The following PALLD variants were observed in gnomAD, a reference collection of about 807,000 sequenced individuals.
PALLD encodes the protein palladin, cytoskeletal associated protein.
In PALLD, 61 loss-of-function variants were observed where a neutral mutation model predicts 123.5. That is an observed-to-expected ratio of 0.49 (90% CI 0.40 to 0.61). The LOEUF (loss-of-function observed/expected upper bound fraction) is 0.61, where lower values mean the gene tolerates loss of function less well. Ranked by LOEUF, PALLD falls within the 20% of genes least tolerant of loss-of-function variation. The pLI, the probability that PALLD is intolerant of heterozygous loss-of-function variation, is 0.00. For missense variants in PALLD, 1,273 were observed against 1,377.0 expected (o/e 0.92, Z 1.20); for synonymous variants, 465 against 496.4 (o/e 0.94, Z 0.84).
At chr4:168,666,235 A>C (rs1407915116) in intron 2 of PALLD, among the ~76,000 whole-genome samples, 1 of 152,172 alleles carries the variant, frequency 6.6e-6, no homozygotes, top group African/African-American at 2.4e-5. Flanking sequence ...CTCTCTATGG[A>C]ACCTCTGTTG....
At chr4:168,684,332 T>A (rs1781824053) in intron 5 of PALLD, among the ~76,000 whole-genome samples, 1 of 152,208 alleles carries the variant, frequency 6.6e-6, no homozygotes, top group Admixed American at 6.5e-5. Flanking sequence ...ATTTACCCCA[T>A]GTTTATAGTT....
intron 10 of PALLD, among the ~76,000 whole-genome samples, chr4:168,835,337 T>C (rs914821765): frequency 6.6e-6 from 1 of 152,220 alleles, no homozygotes; most frequent in Non-Finnish European, 1.5e-5. Context: ...ATATACTTTT[T>C]AAAAATAATA....
intron 10 of PALLD, among the ~76,000 whole-genome samples, chr4:168,732,436 A>G (rs1259679832): frequency 3.3e-5 from 5 of 152,196 alleles, no homozygotes; most frequent in Admixed American, 3.3e-4. Flanking sequence ...CTGAATTTAC[A>G]ATGAAGGAGC....
At chr4:168,833,435 C>T (rs1317625717) in intron 10 of PALLD, among the ~76,000 whole-genome samples, 1 of 152,082 alleles carries the variant, frequency 6.6e-6, no homozygotes, top group Non-Finnish European at 1.5e-5. Context: ...ATGACTGGCT[C>T]TACATTTTAA....
At chr4:168,735,158 T>A (rs1787609053) in intron 10 of PALLD, among the ~76,000 whole-genome samples, 1 of 152,196 alleles carries the variant, frequency 6.6e-6, no homozygotes, top group Admixed American at 6.5e-5. Context: ...CTTACTCCTA[T>A]ACAATCAGCA....
chr4:168,914,766 T>G (rs1759757258), intron 16 of PALLD, among the ~76,000 whole-genome samples: 1 of 152,206 alleles, frequency 6.6e-6, no homozygotes, highest in South Asian at 2.1e-4. Context: ...AGGTGCAAAC[T>G]CCTTTAGTGA....
chr4:168,642,745 A>G (rs868644485), intron 2 of PALLD, among the ~76,000 whole-genome samples: 2 of 152,232 alleles, frequency 1.3e-5, no homozygotes, highest in Non-Finnish European at 2.9e-5. Flanking sequence ...GCACTTTTTC[A>G]GAAGCAAATC....
Position 168,498,403 on chromosome 4 carries a change from C to A in PALLD, c.-83+1209C>A, listed in dbSNP as rs116296233. ...GCATATTTCACAATAGAATGAGGAT[C>A]TGGATTGCACTGGACAAGTACAATC... On this transcript the variant is annotated intron_variant, in intron 1 of 21. Transcript: ENST00000505667. Among the ~76,000 whole-genome samples the A allele has an allele frequency of 5.1e-3, 781 of 152,272 alleles. 10 individuals carry two copies. The highest frequency in any genetic ancestry group is 0.018 in the African/African-American group (752 of 41,558).
chr4:168,605,882 T>A (rs149847292), intron 2 of PALLD, among the ~76,000 whole-genome samples: 72 of 152,388 alleles, frequency 4.7e-4, no homozygotes, highest in African/African-American at 1.7e-3. Context: ...TTTGCAGACT[T>A]GGGCTACGCC....
chr4:168,910,770 C>T, intron 15 of PALLD, among the ~76,000 whole-genome samples: 1 of 152,284 alleles, frequency 6.6e-6, no homozygotes, highest in Non-Finnish European at 1.5e-5. Flanking sequence ...GGTTTACAAA[C>T]TTAGACTGAT....
chr4:168,755,251 AG>A (rs1731676670), intron 10 of PALLD, among the ~76,000 whole-genome samples: 1 of 144,552 alleles, frequency 6.9e-6, no homozygotes, highest in Non-Finnish European at 1.5e-5. Flanking sequence ...AAAAAAAAAA[AG>A]GGCAGGGTAG....
chr4:168,841,079 G>C (rs1745969441), intron 10 of PALLD, among the ~76,000 whole-genome samples: 1 of 152,142 alleles, frequency 6.6e-6, no homozygotes, highest in Non-Finnish European at 1.5e-5. Context: ...TCAAACTCCT[G>C]ACCTCGTGAT....
chr4:168,683,157 G>C (rs779400719), intron 5 of PALLD, 54 bp downstream of exon 5: 1 of 978,100 alleles, frequency 1.0e-6, no homozygotes, highest in Non-Finnish European at 1.6e-6. Context: ...CAGCAAACTT[G>C]TGGATTTTAA....
chr4:168,821,407 T>TA (rs1476947875), intron 10 of PALLD, among the ~76,000 whole-genome samples: 1 of 150,380 alleles, frequency 6.6e-6, no homozygotes, highest in African/African-American at 2.4e-5. Flanking sequence ...TACTAAGGTA[T>TA]TTTTTTTTTC....
chr4:168,877,787 C>T, intron 10 of PALLD: 1 of 1,211,702 alleles, frequency 8.3e-7, no homozygotes. Context: ...CGGCGCTCGG[C>T]AGCCTCCGCC....
chr4:168,556,035 G>A (rs1036257399), intron 2 of PALLD, among the ~76,000 whole-genome samples: 1 of 152,104 alleles, frequency 6.6e-6, no homozygotes, highest in Non-Finnish European at 1.5e-5. Context: ...AAAGGTTTAA[G>A]ACCTCTTAGC....
At chr4:168,816,822 G>A (rs1211867553) in intron 10 of PALLD, among the ~76,000 whole-genome samples, 4 of 752 alleles carry the variant, frequency 5.3e-3, no homozygotes, top group African/African-American at 0.018. Context: ...AGCCCCGTGT[G>A]TGTGTGTGTG....
intron 2 of PALLD, among the ~76,000 whole-genome samples, chr4:168,606,600 G>A (rs1202995289): frequency 1.3e-5 from 2 of 151,624 alleles, no homozygotes; most frequent in East Asian, 3.9e-4. Context: ...CTTGAACCTG[G>A]GAGGCGGAGC....
chr4:168,550,870 G>C (rs1766661614), intron 2 of PALLD, among the ~76,000 whole-genome samples: 1 of 152,070 alleles, frequency 6.6e-6, no homozygotes, highest in African/African-American at 2.4e-5. Flanking sequence ...TTTACTACTT[G>C]TCATTATTTT....
Sources: gnomAD v4.1 joint callset for allele counts (sites outside exome capture counted in the v4.1 genomes callset) on GRCh38, gnomAD v4.1.1 for gene constraint, MANE v1.5 for transcripts, NCBI Gene and HGNC (gene_info 2026-07-23, HGNC 2026-07-21) for gene names.